SH3KBP1: variants seen among roughly 807,000 people sequenced by gnomAD.
SH3KBP1 encodes SH3 domain-containing kinase-binding protein 1.
SH3KBP1 carries 8 observed loss-of-function variants against 50.1 expected under a neutral mutation model. That is an observed-to-expected ratio of 0.16 (90% CI 0.09 to 0.29). The LOEUF is 0.29. SH3KBP1 is among the 10% of genes least tolerant of loss of function. The pLI is 1.00. For synonymous variants in SH3KBP1, 227 were observed against 218.6 expected, an observed-to-expected ratio of 1.04 and a Z score of -0.34; for missense variants, 377 against 535.2, an observed-to-expected ratio of 0.70 and a Z score of 2.92.
In SH3KBP1 at chrX:19,728,516, T is replaced by C. The variant is rs1337274213; in HGVS notation, c.286+17802A>G. Among the ~76,000 whole-genome samples, 3 of 112,138 alleles carry C rather than the reference T, an allele frequency of 2.7e-5. No individual in the cohort carries two copies. The East Asian group carries it at 8.4e-4, about 31-fold the overall frequency. ...GACAGAAACATTATTTTAACTTCAT[T>C]ACTCAACAAAATCACCATGGGGCAT... On this transcript the variant is annotated intron_variant, in intron 3 of 17. Coordinates refer to ENST00000397821, the MANE Select transcript of SH3KBP1 (RefSeq NM_031892.3).
In SH3KBP1 at chrX:19,588,660, A is replaced by G. The variant is rs1205016693; in HGVS notation, c.1281T>C (p.Gly427=). 1 of 1,198,977 alleles carries G rather than the reference A, an allele frequency of 8.3e-7. No homozygotes were observed. Among genetic ancestry groups the G allele is most frequent in the Admixed American group, 2.2e-5 (1 of 44,840 alleles). Residue 427 remains glycine (G), a synonymous_variant, in exon 12 of 18, where the codon GGT becomes GGC. Transcript: ENST00000397821. ...AGCAGTACCTGGTGTGTGTCAGCGG[A>G]CCCACCGGTCTCTCCGGCCTTCTCG... is the stretch of plus-strand genomic sequence containing the variant. The part of the protein sequence containing the change: ...LPPRRPERPV[G]PLTHTRGDSP...
At chrX:19,773,856 G>GA (rs59381892) in intron 2 of SH3KBP1, among the ~76,000 whole-genome samples, 225 of 14,897 alleles carry the variant, frequency 0.015, 35 homozygotes, top group Non-Finnish European at 0.017. Flanking sequence ...ACTCCGGCTC[G>GA]AAAAAAAAAA....
At chrX:19,595,088 C>T (rs911559403) in intron 9 of SH3KBP1, 88 bp from the exon 10 acceptor site, 15 of 684,941 alleles carry the variant, frequency 2.2e-5, no homozygotes, top group Non-Finnish European at 3.3e-5. Flanking sequence ...TTTCTATGTG[C>T]AGTTTGGACA....
At chrX:19,697,796 G>A (rs2063453895) in intron 4 of SH3KBP1, among the ~76,000 whole-genome samples, 2 of 111,970 alleles carry the variant, frequency 1.8e-5, no homozygotes, top group Non-Finnish European at 3.8e-5. Flanking sequence ...GTATGAGAAA[G>A]GGGGTTGCTG....
At position 19,746,393 on chromosome X, in the gene SH3KBP1, C is replaced by CG; in HGVS notation, c.210_211insC (p.Glu71ArgfsTer17). ...CTGGGCACTTCGTGCAGGGGCTTTT[C>CG]TGGAGCTTTGTTGGTGAGAGGGTCT... is the stretch of plus-strand genomic sequence containing the variant. On this transcript the variant is annotated frameshift_variant, in exon 3 of 18. Coordinates refer to ENST00000397821, the MANE Select transcript of SH3KBP1 (RefSeq NM_031892.3). LOFTEE classifies it high-confidence loss of function. 8.3e-7 allele frequency: 1 copy of CG among 1,205,841 alleles called. No individual in the cohort carries two copies. Among genetic ancestry groups the CG allele is most frequent in the Non-Finnish European group, 1.1e-6 (1 of 892,891 alleles).
At chrX:19,564,416 C>T (rs1013925522) in intron 13 of SH3KBP1, among the ~76,000 whole-genome samples, 17 of 111,349 alleles carry the variant, frequency 1.5e-4, no homozygotes, top group African/African-American at 4.9e-4. Context: ...ATGTAATACC[C>T]GTTTAAACAC....
chrX:19,749,113 G>T (rs2065000740), intron 2 of SH3KBP1, among the ~76,000 whole-genome samples: 1 of 112,334 alleles, frequency 8.9e-6, no homozygotes, highest in Non-Finnish European at 1.9e-5. Context: ...GTACCTACTA[G>T]GATGGCTAGA....
chrX:19,740,144 T>C lies in SH3KBP1; in HGVS notation c.286+6174A>G, dbSNP rs748569502. Among the ~76,000 whole-genome samples, 91 of 111,459 alleles carry C rather than the reference T, an allele frequency of 8.2e-4. 2 individuals are homozygous for C. The highest frequency in any genetic ancestry group is 9.1e-3 in the Middle Eastern group (2 of 219). ...TCACCACCCCTCACTCTAGGCTCAA[T>C]AGGTTCAGAAAATAACATGAAAAAG... is the stretch of plus-strand genomic sequence containing the variant. On this transcript the variant is annotated intron_variant, in intron 3 of 17. Transcript: ENST00000397821.
chrX:19,847,114 T>C (rs2068385639), intron 1 of SH3KBP1, among the ~76,000 whole-genome samples: 2 of 111,392 alleles, frequency 1.8e-5, no homozygotes, highest in Admixed American at 9.6e-5. Flanking sequence ...TGCATGGCCT[T>C]CTGTTAAGAA....
intron 6 of SH3KBP1, among the ~76,000 whole-genome samples, chrX:19,650,688 C>T (rs2062102651): frequency 8.9e-6 from 1 of 112,542 alleles, no homozygotes; most frequent in African/African-American, 3.2e-5. Flanking sequence ...CCTTTTACAA[C>T]ACTGGTATCT....
intron 8 of SH3KBP1, among the ~76,000 whole-genome samples, chrX:19,618,917 G>A (rs1291213374): frequency 2.8e-5 from 3 of 106,905 alleles, no homozygotes; most frequent in African/African-American, 6.9e-5. Flanking sequence ...AGTGAGCTGC[G>A]ATCACACCAC....
At chrX:19,613,827 A>G (rs1386024958) in intron 8 of SH3KBP1, among the ~76,000 whole-genome samples, 1 of 112,421 alleles carries the variant, frequency 8.9e-6, no homozygotes, top group Non-Finnish European at 1.9e-5. Context: ...GGTGGAACAG[A>G]GCAAGCATGG....
chrX:19,593,370 C>T (rs1454114380), intron 10 of SH3KBP1, among the ~76,000 whole-genome samples: 1 of 111,482 alleles, frequency 9.0e-6, no homozygotes, highest in Non-Finnish European at 1.9e-5. Flanking sequence ...CTCTTAATGA[C>T]TCACTACAAA....
chrX:19,537,302 C>G (rs187528026), intron 17 of SH3KBP1, among the ~76,000 whole-genome samples: 157 of 109,848 alleles, frequency 1.4e-3, no homozygotes, highest in Admixed American at 3.0e-3. Context: ...ACTAAAAATA[C>G]AAAAAATTAG....
chrX:19,707,756 A>T (rs1401958879), intron 3 of SH3KBP1, among the ~76,000 whole-genome samples: 1 of 112,218 alleles, frequency 8.9e-6, no homozygotes, highest in Non-Finnish European at 1.9e-5. Context: ...TCAAGTACAG[A>T]CACAACTGTC....
At chrX:19,777,910 T>G (rs979129049) in intron 2 of SH3KBP1, among the ~76,000 whole-genome samples, 6 of 110,837 alleles carry the variant, frequency 5.4e-5, no homozygotes, top group African/African-American at 1.6e-4. Context: ...GGTTCTAACG[T>G]ATGCTCTGGT....
chrX:19,605,173 C>A (rs750336782), intron 9 of SH3KBP1, among the ~76,000 whole-genome samples: 31 of 110,555 alleles, frequency 2.8e-4, no homozygotes, highest in Admixed American at 6.7e-4. Flanking sequence ...CTGCCCCCCC[C>A]CAAGACATGA....
At chrX:19,628,700 A>C (rs1020367019) in intron 8 of SH3KBP1, among the ~76,000 whole-genome samples, 1 of 112,130 alleles carries the variant, frequency 8.9e-6, no homozygotes, top group African/African-American at 3.2e-5. Flanking sequence ...TAGAGCACAA[A>C]GGATTTTCTT....
At chrX:19,855,085 C>T (rs1339078163) in intron 1 of SH3KBP1, among the ~76,000 whole-genome samples, 1 of 110,919 alleles carries the variant, frequency 9.0e-6, no homozygotes, top group African/African-American at 3.3e-5. Flanking sequence ...AAGCAATTAG[C>T]GATTCTTCTG....
Sources: allele counts gnomAD v4.1 joint callset (sites outside exome capture counted in the v4.1 genomes callset), GRCh38; gene constraint gnomAD v4.1.1; transcripts MANE v1.5; gene names NCBI Gene and HGNC (gene_info 2026-07-23, HGNC 2026-07-21).